CNTN5: variants seen among roughly 807,000 people sequenced by gnomAD.
The protein encoded by CNTN5 is contactin 5.
Under a neutral mutation model 129.1 loss-of-function variants are expected in CNTN5, and 77 were observed. That is an observed-to-expected ratio of 0.60 (90% confidence interval 0.50 to 0.72). The LOEUF is 0.72. CNTN5 is among the 30% of genes least tolerant of loss of function. The pLI is 0.00. For synonymous variants in CNTN5, 509 were observed against 465.6 expected, an observed-to-expected ratio of 1.09 and a Z score of -1.20; for missense variants, 1,478 against 1,328.8, an observed-to-expected ratio of 1.11 and a Z score of -1.75.
At chr11:99,913,170 A>G (rs984627163) in intron 6 of CNTN5, among the ~76,000 whole-genome samples, 3 of 152,044 alleles carry the variant, frequency 2.0e-5, no homozygotes, top group Non-Finnish European at 4.4e-5. Flanking sequence ...AAATACCTCC[A>G]AAGAAATTAA....
chr11:100,066,024 A>T (rs1216962252), intron 10 of CNTN5, among the ~76,000 whole-genome samples: 3 of 152,094 alleles, frequency 2.0e-5, no homozygotes, highest in Admixed American at 2.0e-4. Flanking sequence ...TGGAGAAAAA[A>T]TTCTTGCCTT....
In CNTN5 at chr11:99,845,217, A is replaced by G; in HGVS notation, c.532A>G (p.Thr178Ala). The G allele has an allele frequency of 1.2e-6, 2 of 1,613,616 alleles. No individual in the cohort carries two copies. Among genetic ancestry groups the G allele is most frequent in the South Asian group, 2.2e-5 (2 of 91,056 alleles). Residue 178 changes from threonine to alanine, a missense_variant, in exon 6 of 25, where the codon ACT (threonine) becomes GCT (alanine). Physicochemically the swap from Thr to Ala is moderately conservative, Grantham distance 58 (BLOSUM62 0). Coordinates refer to ENST00000524871, the MANE Select transcript of CNTN5 (RefSeq NM_014361.4). Reference protein sequence around the residue: ...SGHYQCLATNTVGSILSREAT... With the variant: ...SGHYQCLATNAVGSILSREAT... The stretch of plus-strand genomic sequence containing the variant: ...TCATTATCAGTGTTTAGCAACCAAC[A>G]CTGTGGGGAGTATTCTTAGTAGAGA...
intron 1 of CNTN5, among the ~76,000 whole-genome samples, chr11:99,309,429 G>A: frequency 6.6e-6 from 1 of 152,164 alleles, no homozygotes. Flanking sequence ...CATTCTGGAT[G>A]AACCAGAAAA....
intron 3 of CNTN5, among the ~76,000 whole-genome samples, chr11:99,779,642 G>A (rs537456599): frequency 6.6e-6 from 1 of 152,050 alleles, no homozygotes; most frequent in South Asian, 2.1e-4. Context: ...ACACTATGAG[G>A]AATAGGGTTA....
At chr11:99,792,103 C>A (rs1452450680) in intron 3 of CNTN5, among the ~76,000 whole-genome samples, 1 of 151,888 alleles carries the variant, frequency 6.6e-6, no homozygotes, top group Non-Finnish European at 1.5e-5. Context: ...TTTCTCTTGC[C>A]TGTTTGCTTT....
rs1370599066 is a variant in CNTN5, at chr11:99,141,631, G to T, written c.-210+120361G>T. 2.0e-5 allele frequency among the ~76,000 whole-genome samples: 3 copies of T among 152,142 alleles called. No homozygotes were observed. In the East Asian group the frequency reaches 5.8e-4, roughly 29 times the overall value. On this transcript the variant is annotated intron_variant, in intron 1 of 24. Transcript: ENST00000524871. ...AGATCTTTATAAATTTTTAATGTGGGTATTTAGCACTATATACTTCTAACA... is the reference window on the plus strand; with the variant it reads ...AGATCTTTATAAATTTTTAATGTGGTTATTTAGCACTATATACTTCTAACA...
chr11:99,944,846 C>T (rs180892521), intron 7 of CNTN5, among the ~76,000 whole-genome samples: 21 of 152,160 alleles, frequency 1.4e-4, no homozygotes, highest in Admixed American at 8.5e-4. Context: ...AACTACTGCT[C>T]AAGGGAATAA....
chr11:99,348,830 C>G (rs1938090208), intron 2 of CNTN5, among the ~76,000 whole-genome samples: 1 of 152,176 alleles, frequency 6.6e-6, no homozygotes, highest in Non-Finnish European at 1.5e-5. Context: ...TAATATAAAA[C>G]TCTCCCCTGC....
chr11:99,174,292 C>A (rs1278464738), intron 1 of CNTN5, among the ~76,000 whole-genome samples: 1 of 152,108 alleles, frequency 6.6e-6, no homozygotes, highest in Non-Finnish European at 1.5e-5. Flanking sequence ...AGGACTACGC[C>A]CAGCGAGAAT....
chr11:99,751,929 A>T (rs922791143), intron 3 of CNTN5, among the ~76,000 whole-genome samples: 2 of 152,188 alleles, frequency 1.3e-5, no homozygotes, highest in Non-Finnish European at 2.9e-5. Flanking sequence ...CTGCCATGTG[A>T]GGACACAACA....
At chr11:99,132,996 C>T (rs1859024061) in intron 1 of CNTN5, among the ~76,000 whole-genome samples, 1 of 152,130 alleles carries the variant, frequency 6.6e-6, no homozygotes, top group Admixed American at 6.6e-5. Context: ...TGTTACCCGA[C>T]TTCAAACCGT....
chr11:99,193,466 CTTG>C (rs1046994870), intron 1 of CNTN5, among the ~76,000 whole-genome samples: 1 of 152,086 alleles, frequency 6.6e-6, no homozygotes, highest in Non-Finnish European at 1.5e-5. Context: ...GCACAGTTGT[CTTG>C]TTGATAAATC....
In CNTN5 at chr11:99,691,698, A is replaced by T. The variant is rs114710639; in HGVS notation, c.56-127846A>T. Among the ~76,000 whole-genome samples, 542 of 152,182 alleles carry T rather than the reference A, an allele frequency of 3.6e-3. 5 individuals are homozygous for T. The highest frequency in any genetic ancestry group is 0.013 in the African/African-American group (525 of 41,544). ...GTGAACAGTTTTTTTAGTAAGTGCC[A>T]TGTGGTGATGAGAAGAATGTATATT... On this transcript the variant is annotated intron_variant, in intron 3 of 24. Coordinates refer to ENST00000524871, the MANE Select transcript of CNTN5 (RefSeq NM_014361.4).
chr11:99,518,406 C>T (rs2466914), intron 2 of CNTN5, among the ~76,000 whole-genome samples: 1 of 151,994 alleles, frequency 6.6e-6, no homozygotes, highest in Non-Finnish European at 1.5e-5. Context: ...ATACAGTAGA[C>T]CCACAAATTT....
intron 15 of CNTN5, among the ~76,000 whole-genome samples, chr11:100,223,388 A>G (rs1949307024): frequency 6.6e-6 from 1 of 152,176 alleles, no homozygotes; most frequent in Admixed American, 6.5e-5. Context: ...ACTGAAATAA[A>G]TATTTATGAT....
intron 1 of CNTN5, among the ~76,000 whole-genome samples, chr11:99,057,720 T>C (rs190449042): frequency 6.6e-6 from 1 of 151,848 alleles, no homozygotes; most frequent in East Asian, 1.9e-4. Flanking sequence ...CCCACTGTAA[T>C]AGAGCTTATA....
intron 1 of CNTN5, among the ~76,000 whole-genome samples, chr11:99,192,959 T>C (rs981972134): frequency 6.6e-6 from 1 of 152,106 alleles, no homozygotes; most frequent in African/African-American, 2.4e-5. Flanking sequence ...GTATTGTACA[T>C]AATCACAGGC....
rs1394519449 is a variant in CNTN5 at position 99,134,294 on chromosome 11, G to T, written c.-210+113024G>T. 2.0e-5 allele frequency among the ~76,000 whole-genome samples: 3 copies of T among 152,070 alleles called. No individual in the cohort carries two copies. In the South Asian group the frequency reaches 6.2e-4, roughly 32 times the overall value. On this transcript the variant is annotated intron_variant, in intron 1 of 24. Coordinates refer to ENST00000524871, the MANE Select transcript of CNTN5 (RefSeq NM_014361.4). ...GAGGGCATTAGGGAAAAGAGCTAAT[G>T]CATGCTGGGCATAACACTTAGGTGA...
chr11:100,152,960 T>A (rs1203413428), intron 13 of CNTN5, among the ~76,000 whole-genome samples: 1 of 151,992 alleles, frequency 6.6e-6, no homozygotes, highest in Non-Finnish European at 1.5e-5. Context: ...AATGAAGACA[T>A]CATGGGTTGT....
Sources: gnomAD v4.1 joint callset for allele counts (sites outside exome capture counted in the v4.1 genomes callset) on GRCh38, gnomAD v4.1.1 for gene constraint, MANE v1.5 for transcripts, NCBI Gene and HGNC (gene_info 2026-07-23, HGNC 2026-07-21) for gene names.